The following TCF4 variants were observed in gnomAD, a reference collection of about 807,000 sequenced individuals.
The protein encoded by TCF4 is SL3-3 enhancer factor 2.
A neutral mutation model predicts 82.1 loss-of-function variants in TCF4; 3 were observed. That is an observed-to-expected ratio of 0.04 (90% CI 0.02 to 0.09). The LOEUF is 0.09. Ranked by LOEUF, TCF4 falls within the 10% of genes least tolerant of loss-of-function variation. The probability of loss-of-function intolerance (pLI) is 1.00; values close to 1 mark genes in which losing one functional copy is unlikely to be tolerated. For synonymous variants in TCF4, 276 were observed against 309.6 expected (o/e 0.89, Z 1.14); for missense variants, 518 against 852.7 (o/e 0.61, Z 4.89).
intron 6 of TCF4, among the ~76,000 whole-genome samples, chr18:55,361,031 C>A (rs2145179587): frequency 6.6e-6 from 1 of 152,186 alleles, no homozygotes; most frequent in Admixed American, 6.5e-5. Flanking sequence ...GGCCTGCTAA[C>A]CCCTTTTCTA....
At chr18:55,343,069 T>C (rs1182703903) in intron 8 of TCF4, among the ~76,000 whole-genome samples, 1 of 152,148 alleles carries the variant, frequency 6.6e-6, no homozygotes, top group Non-Finnish European at 1.5e-5. Flanking sequence ...TGTTCCAAAG[T>C]AGCATTTTCC....
chr18:55,558,612 T>C (rs760823649), intron 3 of TCF4, among the ~76,000 whole-genome samples: 1 of 152,172 alleles, frequency 6.6e-6, no homozygotes, highest in Non-Finnish European at 1.5e-5. Flanking sequence ...TAAAAGTATA[T>C]GGATAAGCTT....
At chr18:55,507,072 A>T (rs981246618) in intron 3 of TCF4, among the ~76,000 whole-genome samples, 4 of 152,118 alleles carry the variant, frequency 2.6e-5, no homozygotes, top group Non-Finnish European at 5.9e-5. Context: ...CATGTTGGCC[A>T]GGCTGGTCTC....
Position 55,227,963 on chromosome 18 carries a change from G to GTA in TCF4, c.*71_*72insTA. On this transcript the variant is annotated 3_prime_UTR_variant, in exon 20 of 20. Transcript: ENST00000354452. ...GGGGTTAAGGAGAAGTGTTTATGTGGGTTTAAGATAATACAGCTGTTAAGG... is the reference window on the plus strand; with the variant it reads ...GGGGTTAAGGAGAAGTGTTTATGTGGTAGTTTAAGATAATACAGCTGTTAAGG... 2.2e-6 allele frequency: 1 copy of GTA among 459,524 alleles called. No homozygotes were observed. Among genetic ancestry groups the GTA allele is most frequent in the Non-Finnish European group, 4.0e-6 (1 of 252,578 alleles). The allele number at this position is 459,524 out of a possible 1,614,324, so 28.5% of individuals were successfully genotyped here. A position where few individuals can be genotyped will look rare whatever the true frequency, so the allele number is the denominator to read the frequency against.
At chr18:55,437,659 ACAGAAGCCTAGATCCCAGCCC>A (rs1569475457) in intron 5 of TCF4, among the ~76,000 whole-genome samples, 2 of 152,048 alleles carry the variant, frequency 1.3e-5, no homozygotes, top group Admixed American at 6.6e-5. Flanking sequence ...TGTTTAAATA[ACAGAAGCCTAGATCCCAGCCC>A]AGGCCTCTAA....
chr18:55,521,066 T>A (rs1205837383), intron 3 of TCF4, among the ~76,000 whole-genome samples: 1 of 152,128 alleles, frequency 6.6e-6, no homozygotes, highest in Non-Finnish European at 1.5e-5. Context: ...ATGGTGACAT[T>A]CCTATCAACC....
At chr18:55,383,656 A>G (rs2092273219) in intron 6 of TCF4, among the ~76,000 whole-genome samples, 1 of 152,228 alleles carries the variant, frequency 6.6e-6, no homozygotes, top group Middle Eastern at 3.2e-3. Context: ...GCTTACAGGA[A>G]ATGTCCCAAA....
At chr18:55,337,327 T>C (rs761797139) in intron 8 of TCF4, among the ~76,000 whole-genome samples, 1 of 152,158 alleles carries the variant, frequency 6.6e-6, no homozygotes, top group Admixed American at 6.5e-5. Flanking sequence ...GGGGAATAAA[T>C]AGTATTTGAA....
At chr18:55,297,877 AT>A (rs1274520839) in intron 8 of TCF4, among the ~76,000 whole-genome samples, 1 of 152,130 alleles carries the variant, frequency 6.6e-6, no homozygotes, top group African/African-American at 2.4e-5. Context: ...TTTTTAAAAA[AT>A]AAGGTTTAAG....
At chr18:55,549,995 A>C (rs879343720) in intron 3 of TCF4, among the ~76,000 whole-genome samples, 1 of 152,214 alleles carries the variant, frequency 6.6e-6, no homozygotes, top group Non-Finnish European at 1.5e-5. Flanking sequence ...GTAACTGTGG[A>C]TATATCTCCT....
chr18:55,354,950 T>G (rs2083134712), intron 6 of TCF4, among the ~76,000 whole-genome samples: 1 of 152,162 alleles, frequency 6.6e-6, no homozygotes, highest in South Asian at 2.1e-4. Context: ...CACAACATCT[T>G]GGGGGGATGT....
At chr18:55,619,175 T>A (rs537932131) in intron 2 of TCF4, among the ~76,000 whole-genome samples, 14 of 152,210 alleles carry the variant, frequency 9.2e-5, no homozygotes, top group African/African-American at 3.1e-4. Flanking sequence ...GTGGTGAGAT[T>A]AAGGAGGTTT....
At chr18:55,274,751 A>T (rs952920337) in intron 10 of TCF4, among the ~76,000 whole-genome samples, 1 of 152,188 alleles carries the variant, frequency 6.6e-6, no homozygotes, top group Non-Finnish European at 1.5e-5. Context: ...TTCTTGCACA[A>T]GGGATTCAAG....
chr18:55,332,997 A>T (rs1198883851), intron 8 of TCF4, among the ~76,000 whole-genome samples: 1 of 152,260 alleles, frequency 6.6e-6, no homozygotes, highest in Admixed American at 6.5e-5. Flanking sequence ...TTATGAAACA[A>T]GCCTAATCGG....
intron 3 of TCF4, among the ~76,000 whole-genome samples, chr18:55,466,851 G>C (rs1258425798): frequency 6.6e-6 from 1 of 152,188 alleles, no homozygotes; most frequent in Admixed American, 6.5e-5. Context: ...TAAAAATGCT[G>C]GAAGTCTAGC....
At chr18:55,603,224 C>T (rs896230016) in intron 2 of TCF4, among the ~76,000 whole-genome samples, 3 of 152,242 alleles carry the variant, frequency 2.0e-5, no homozygotes, top group Admixed American at 6.5e-5. Flanking sequence ...ACCAAATGCC[C>T]GTAGTCACCC....
intron 15 of TCF4, among the ~76,000 whole-genome samples, chr18:55,253,455 C>G (rs2055867603): frequency 6.6e-6 from 1 of 152,084 alleles, no homozygotes; most frequent in African/African-American, 2.4e-5. Flanking sequence ...AATCACTGGT[C>G]AAGTTACATT....
chr18:55,455,179 CAAAAAAAA>C (rs35889370), intron 5 of TCF4, among the ~76,000 whole-genome samples: 9 of 67,468 alleles, frequency 1.3e-4, no homozygotes, highest in African/African-American at 3.9e-4. Flanking sequence ...GACTCTGTCT[CAAAAAAAA>C]AAAAAAAAAA....
intron 6 of TCF4, among the ~76,000 whole-genome samples, chr18:55,380,426 C>A (rs1328954032): frequency 1.3e-5 from 2 of 152,212 alleles, no homozygotes; most frequent in South Asian, 2.1e-4. Flanking sequence ...CCTCGTCCCC[C>A]ACCGCTGACA....
Sources: gnomAD v4.1 joint callset for allele counts (sites outside exome capture counted in the v4.1 genomes callset) on GRCh38, gnomAD v4.1.1 for gene constraint, MANE v1.5 for transcripts, NCBI Gene and HGNC (gene_info 2026-07-23, HGNC 2026-07-21) for gene names.